Variants in LINGO1 observed in about 807,000 individuals in gnomAD.
The protein encoded by LINGO1 is leucine rich repeat and Ig domain containing 1, also known as leucine-rich repeat and immunoglobulin-like domain-containing nogo receptor-interacting protein 1.
Under a neutral mutation model 37.3 loss-of-function variants are expected in LINGO1, and 11 were observed. The observed-to-expected ratio is 0.29, with a 90% CI of 0.19 to 0.49. The LOEUF (loss-of-function observed/expected upper bound fraction) is 0.49, where lower values mean the gene tolerates loss of function less well. Among genes scored for constraint, LINGO1 ranks in the 20% least tolerant of loss-of-function variants. The probability of loss-of-function intolerance (pLI) is 0.99; values close to 1 mark genes in which losing one functional copy is unlikely to be tolerated. For synonymous variants in LINGO1, 387 were observed against 403.0 expected (o/e 0.96, Z 0.48); for missense variants, 585 against 878.2 (o/e 0.67, Z 4.22).
At chr15:77,776,464 G>GGCAGGAAGGCAGGAAGGGAGGAAA (rs2076643459) in intron 1 of LINGO1, among the ~76,000 whole-genome samples, 4 of 111,512 alleles carry the variant, frequency 3.6e-5, no homozygotes, top group African/African-American at 1.4e-4. Flanking sequence ...AAGGCAGGAA[G>GGCAGGAAGGCAGGAAGGGAGGAAA]GCAGGAAGGC....
At chr15:77,629,040 T>A (rs2142579435) in intron 1 of LINGO1, among the ~76,000 whole-genome samples, 1 of 152,334 alleles carries the variant, frequency 6.6e-6, no homozygotes, top group Non-Finnish European at 1.5e-5. Flanking sequence ...CGACCTCCCT[T>A]GAGGTGGATA....
chr15:77,654,721 C>T (rs908269689), intron 3 of LINGO1, among the ~76,000 whole-genome samples: 9 of 151,824 alleles, frequency 5.9e-5, no homozygotes, highest in Non-Finnish European at 1.3e-4. Context: ...GGCTCTGCTG[C>T]CACTAGCTGG....
chr15:77,616,435 C>T (rs912429114), intron 1 of LINGO1, among the ~76,000 whole-genome samples: 3 of 152,218 alleles, frequency 2.0e-5, no homozygotes, highest in Non-Finnish European at 2.9e-5. Context: ...GGGCCCCACT[C>T]GCTCAGCCCT....
chr15:77,690,322 A>AC (rs1268807333), intron 2 of LINGO1, among the ~76,000 whole-genome samples: 1 of 152,092 alleles, frequency 6.6e-6, no homozygotes, highest in African/African-American at 2.4e-5. Context: ...TTTTGTCTCC[A>AC]CCCCCAACCC....
chr15:77,740,113 G>A (rs143405732), intron 1 of LINGO1, among the ~76,000 whole-genome samples: 54 of 152,368 alleles, frequency 3.5e-4, no homozygotes, highest in African/African-American at 1.2e-3. Context: ...GACACACTGG[G>A]ATGAGGGCTT....
chr15:77,659,413 C>T (rs371948519), intron 3 of LINGO1, among the ~76,000 whole-genome samples: 1 of 152,126 alleles, frequency 6.6e-6, no homozygotes. Context: ...CAAGGACCCT[C>T]AAGCAGAGGT....
intron 2 of LINGO1, among the ~76,000 whole-genome samples, chr15:77,683,921 C>T (rs574998563): frequency 6.6e-6 from 1 of 152,184 alleles, no homozygotes; most frequent in Non-Finnish European, 1.5e-5. Flanking sequence ...CACCCTAGGA[C>T]CCTGAGGACA....
intron 1 of LINGO1, among the ~76,000 whole-genome samples, chr15:77,744,908 G>A (rs1476128046): frequency 6.7e-6 from 1 of 149,386 alleles, no homozygotes; most frequent in African/African-American, 2.5e-5. Context: ...TTGAGGCCAG[G>A]AATTTGAGAC....
At chr15:77,641,877 T>G in intron 3 of LINGO1, 1 of 456,624 alleles carries the variant, frequency 2.2e-6, no homozygotes, top group Non-Finnish European at 4.4e-6. Context: ...CCAGCTGGGA[T>G]GCTGGGAAGA....
At chr15:77,713,449 A>C (rs1241148728) in intron 2 of LINGO1, among the ~76,000 whole-genome samples, 1 of 151,982 alleles carries the variant, frequency 6.6e-6, no homozygotes, top group African/African-American at 2.4e-5. Context: ...AACACTCATG[A>C]AATAACAAAA....
intron 3 of LINGO1, among the ~76,000 whole-genome samples, chr15:77,666,130 G>A (rs978752724): frequency 6.6e-6 from 1 of 152,018 alleles, no homozygotes; most frequent in South Asian, 2.1e-4. Context: ...ATGAATGAAT[G>A]AGTGAATGAA....
At chr15:77,726,162 C>T (rs923441864) in intron 2 of LINGO1, among the ~76,000 whole-genome samples, 32 of 152,218 alleles carry the variant, frequency 2.1e-4, no homozygotes, top group Admixed American at 1.7e-3. Context: ...AGACCAGTGT[C>T]CAGTGTTGAC....
upstream of LINGO1, among the ~76,000 whole-genome samples, chr15:77,790,054 G>T (rs1251051010): frequency 6.6e-6 from 1 of 152,118 alleles, no homozygotes; most frequent in East Asian, 1.9e-4. Context: ...TTACAGGCAT[G>T]AGCCACAGTG....
intron 1 of LINGO1, among the ~76,000 whole-genome samples, chr15:77,796,481 G>A (rs1232462111): frequency 6.6e-6 from 1 of 152,192 alleles, no homozygotes; most frequent in Non-Finnish European, 1.5e-5. Flanking sequence ...CATCTCTCCT[G>A]CCAGGACTGC....
At chr15:77,750,806 C>T (rs1255690607) in intron 1 of LINGO1, among the ~76,000 whole-genome samples, 2 of 152,218 alleles carry the variant, frequency 1.3e-5, no homozygotes, top group Non-Finnish European at 2.9e-5. Context: ...ATTTATCCCA[C>T]CACTAAACAA....
chr15:77,751,423 G>A (rs2076370277), intron 1 of LINGO1, among the ~76,000 whole-genome samples: 1 of 152,214 alleles, frequency 6.6e-6, no homozygotes, highest in African/African-American at 2.4e-5. Context: ...ACAGGTATGA[G>A]AAATTTAGAA....
At chr15:77,770,060 A>T (rs1191194441) in intron 1 of LINGO1, among the ~76,000 whole-genome samples, 1 of 152,120 alleles carries the variant, frequency 6.6e-6, no homozygotes, top group African/African-American at 2.4e-5. Context: ...TGGGATAGAA[A>T]GACATAACTT....
chr15:77,731,995 C>G (rs2076158676), intron 2 of LINGO1, among the ~76,000 whole-genome samples: 1 of 152,240 alleles, frequency 6.6e-6, no homozygotes, highest in African/African-American at 2.4e-5. Flanking sequence ...CTGCCCACCC[C>G]AGCAGCCACC....
At chr15:77,647,084 C>T (rs376046027) in intron 3 of LINGO1, among the ~76,000 whole-genome samples, 23 of 106,900 alleles carry the variant, frequency 2.2e-4, no homozygotes, top group African/African-American at 6.5e-4. Flanking sequence ...CGGGAGGGCT[C>T]GGGGCTGGGG....
Sources: allele counts gnomAD v4.1 joint callset (sites outside exome capture counted in the v4.1 genomes callset), GRCh38; gene constraint gnomAD v4.1.1; transcripts MANE v1.5; gene names NCBI Gene and HGNC (gene_info 2026-07-23, HGNC 2026-07-21).